NXPE4: variants seen among roughly 807,000 people sequenced by gnomAD.
The protein encoded by NXPE4 is neurexophilin and PC-esterase domain family member 4.
In NXPE4, 42 loss-of-function variants were observed where a neutral mutation model predicts 33.3. That is an observed-to-expected ratio of 1.26 (90% CI 0.98 to 1.63). The LOEUF (loss-of-function observed/expected upper bound fraction) is 1.63. NXPE4 is among the 40% of genes most tolerant of loss of function. The probability of loss-of-function intolerance (pLI) is 0.00; values close to 1 mark genes in which losing one functional copy is unlikely to be tolerated. For missense variants in NXPE4, 709 were observed against 647.6 expected (o/e 1.09, Z -1.03); for synonymous variants, 253 against 234.9 (o/e 1.08, Z -0.71).
chr11:114,602,832 CATAT>C, the NXPE4 span, among the ~76,000 whole-genome samples: 1 of 145,600 alleles, frequency 6.9e-6, no homozygotes, highest in Non-Finnish European at 1.5e-5. Flanking sequence ...ATAATTATCT[CATAT>C]AATTACAGAA....
At chr11:114,676,591 T>C in the NXPE4 span, among the ~76,000 whole-genome samples, 1 of 152,058 alleles carries the variant, frequency 6.6e-6, no homozygotes, top group East Asian at 1.9e-4. Context: ...ATGGTTATTA[T>C]CAAAAAGACG....
intron 5 of NXPE4, among the ~76,000 whole-genome samples, chr11:114,577,696 A>G (rs1424225301): frequency 6.6e-6 from 1 of 152,092 alleles, no homozygotes; most frequent in African/African-American, 2.4e-5. Context: ...AGTTTTGTAG[A>G]TATTATTTTT....
the NXPE4 span, among the ~76,000 whole-genome samples, chr11:114,620,533 T>G: frequency 2.6e-5 from 4 of 151,776 alleles, no homozygotes; most frequent in African/African-American, 9.7e-5. Flanking sequence ...AGGCGGTAGA[T>G]AATAAGTGTT....
At chr11:114,621,850 C>A in the NXPE4 span, among the ~76,000 whole-genome samples, 5 of 151,858 alleles carry the variant, frequency 3.3e-5, no homozygotes, top group African/African-American at 1.2e-4. Context: ...TAAATATTGC[C>A]TCATGGGTAA....
chr11:114,639,820 TATA>T, the NXPE4 span, among the ~76,000 whole-genome samples: 1 of 117,878 alleles, frequency 8.5e-6, no homozygotes, highest in African/African-American at 3.4e-5. Context: ...TAATATAAAA[TATA>T]ATATATATTA....
At chr11:114,625,219 G>C in the NXPE4 span, among the ~76,000 whole-genome samples, 14 of 152,192 alleles carry the variant, frequency 9.2e-5, no homozygotes, top group Non-Finnish European at 1.6e-4. Flanking sequence ...ACTGTTACCT[G>C]TTGGATAATA....
the NXPE4 span, among the ~76,000 whole-genome samples, chr11:114,629,268 T>G: frequency 2.0e-5 from 3 of 152,090 alleles, no homozygotes; most frequent in Admixed American, 6.6e-5. Context: ...GCAAAAATCC[T>G]CAATAAAATA....
Position 114,581,819 on chromosome 11 carries a change from G to A in NXPE4, c.831-33C>T, listed in dbSNP as rs1479050475. The A allele has an allele frequency of 2.0e-6, 3 of 1,463,766 alleles. No homozygotes were observed. The African/African-American group carries it at 4.2e-5, about 21-fold the overall frequency. 90.7% of individuals were successfully genotyped at this position (1,463,766 alleles called of 1,614,324 possible). ...ACACAAATACAGAAATTAATCTGTA[G>A]GTGGCCTCAAATCAGGAAACATACA... is the stretch of plus-strand genomic sequence containing the variant. On this transcript the variant is annotated intron_variant, in intron 3 of 5. Coordinates refer to ENST00000375478, the MANE Select transcript of NXPE4 (RefSeq NM_001077639.2).
the NXPE4 span, among the ~76,000 whole-genome samples, chr11:114,638,255 T>G: frequency 6.6e-6 from 1 of 152,108 alleles, no homozygotes; most frequent in Non-Finnish European, 1.5e-5. Context: ...GTTGATCACA[T>G]CAGCTCCTGA....
At chr11:114,659,157 T>A in the NXPE4 span, among the ~76,000 whole-genome samples, 1 of 152,356 alleles carries the variant, frequency 6.6e-6, no homozygotes, top group South Asian at 2.1e-4. Context: ...TACCCATTTC[T>A]TTGCATGAAT....
chr11:114,633,979 G>A, the NXPE4 span, among the ~76,000 whole-genome samples: 4 of 151,992 alleles, frequency 2.6e-5, no homozygotes, highest in Non-Finnish European at 5.9e-5. Flanking sequence ...TATATACCCA[G>A]TAATGGGATG....
rs1591357942 is a variant in NXPE4, at chr11:114,594,674, T to C, written c.86A>G (p.Asn29Ser). The C allele has an allele frequency of 6.3e-7, 1 of 1,596,490 alleles. No individual in the cohort carries two copies. Among genetic ancestry groups the C allele is most frequent in the Non-Finnish European group, 8.6e-7 (1 of 1,167,784 alleles). ...ASWIIFTVFQ[N>S]STKVWSALNL... ...TAAAGCATTTCCTACCTTTGTGGAG[T>C]TCTGGAAAACTGTAAAAATGATCCA... Residue 29 changes from asparagine to serine, a missense_variant, in exon 2 of 6, where the codon AAC becomes AGC. Coordinates refer to ENST00000375478, the MANE Select transcript of NXPE4 (RefSeq NM_001077639.2).
At chr11:114,662,071 A>G in the NXPE4 span, among the ~76,000 whole-genome samples, 1 of 152,180 alleles carries the variant, frequency 6.6e-6, no homozygotes, top group South Asian at 2.1e-4. Flanking sequence ...CAAAAGAAGC[A>G]CTTTTATAAG....
At chr11:114,671,050 AAAATATAAATATATACAT>A in the NXPE4 span, among the ~76,000 whole-genome samples, 6 of 148,066 alleles carry the variant, frequency 4.1e-5, no homozygotes, top group African/African-American at 1.5e-4. Context: ...TATATATATA[AAAATATAAATATATACAT>A]AAATATAAAT....
chr11:114,616,274 C>T, the NXPE4 span, among the ~76,000 whole-genome samples: 44 of 151,606 alleles, frequency 2.9e-4, no homozygotes, highest in Middle Eastern at 3.4e-3. Flanking sequence ...AATGTTGCCT[C>T]GTGGGTAGCC....
Position 114,571,016 on chromosome 11 carries a change from T to C in NXPE4, c.1557A>G (p.Ala519=). 1.2e-6 allele frequency: 2 copies of C among 1,613,368 alleles called. No homozygotes were observed. The highest frequency in any genetic ancestry group is 8.5e-7 in the Non-Finnish European group (1 of 1,179,364). Residue 519 remains alanine (A), a synonymous_variant, in exon 6 of 6, where the codon GCA becomes GCG. Transcript: ENST00000375478. ...SIIDAWDITI[A]YGTNNVHPPQ... Reference sequence around the variant, plus strand: ...GTGGGTGTACATTATTTGTGCCATATGCAATTGTTATATCCCAGGCATCAA... The same window carrying C: ...GTGGGTGTACATTATTTGTGCCATACGCAATTGTTATATCCCAGGCATCAA...
At chr11:114,648,921 G>T in the NXPE4 span, among the ~76,000 whole-genome samples, 1 of 148,018 alleles carries the variant, frequency 6.8e-6, no homozygotes, top group South Asian at 2.2e-4. Flanking sequence ...TACATCTTAT[G>T]TTATATGATA....
chr11:114,616,023 G>A, the NXPE4 span, among the ~76,000 whole-genome samples: 23 of 151,256 alleles, frequency 1.5e-4, no homozygotes, highest in South Asian at 1.0e-3. Context: ...GTATTGCCTC[G>A]TGGGTAACCA....
chr11:114,624,108 C>G, the NXPE4 span, among the ~76,000 whole-genome samples: 1 of 151,792 alleles, frequency 6.6e-6, no homozygotes, highest in Admixed American at 6.6e-5. Flanking sequence ...GGTTTTATGT[C>G]GTGGGTAACC....
Sources: allele counts gnomAD v4.1 joint callset (sites outside exome capture counted in the v4.1 genomes callset), GRCh38; gene constraint gnomAD v4.1.1; transcripts MANE v1.5; gene names NCBI Gene and HGNC (gene_info 2026-07-23, HGNC 2026-07-21).